Variants in ADAM11 observed in about 807,000 individuals in gnomAD.
ADAM11 encodes disintegrin and metalloproteinase domain-containing protein 11.
ADAM11 carries 49 observed loss-of-function variants against 119.1 expected under a neutral mutation model. That is an observed-to-expected ratio of 0.41 (90% confidence interval 0.33 to 0.52). ADAM11 has a LOEUF of 0.52. Ranked by LOEUF, ADAM11 falls within the 20% of genes least tolerant of loss-of-function variation. The pLI is 0.20. For synonymous variants in ADAM11, 364 were observed against 408.0 expected, an observed-to-expected ratio of 0.89 and a Z score of 1.30; for missense variants, 777 against 1,047.5, an observed-to-expected ratio of 0.74 and a Z score of 3.56.
At chr17:44,774,049 C>A (rs1254833187) in intron 11 of ADAM11, among the ~76,000 whole-genome samples, 1 of 152,028 alleles carries the variant, frequency 6.6e-6, no homozygotes, top group African/African-American at 2.4e-5. Flanking sequence ...TGAGATGGTG[C>A]CACTGCACTC....
rs1388020198 is a variant in ADAM11, at chr17:44,759,143, C to T, written c.-57C>T. The T allele has an allele frequency of 1.1e-5, 14 of 1,222,374 alleles. No homozygotes were observed. The highest frequency in any genetic ancestry group is 1.6e-5 in the African/African-American group (1 of 62,080). The allele number at this position is 1,222,374 out of a possible 1,614,324, so 75.7% of individuals were successfully genotyped here. Reference sequence around the variant, plus strand: ...GCCTCCCCACCCCCGTCCCTGCTCCCGCCCTCCCCGCGCCGCTGGCAGCCG... The same window carrying T: ...GCCTCCCCACCCCCGTCCCTGCTCCTGCCCTCCCCGCGCCGCTGGCAGCCG... On this transcript the variant is annotated 5_prime_UTR_variant, in exon 1 of 27. Transcript: ENST00000200557.
rs775944071 is a variant in ADAM11 at position 44,777,739 on chromosome 17, T to C, written c.1946T>C (p.Val649Ala). The C allele has an allele frequency of 2.5e-6, 4 of 1,613,992 alleles. No individual in the cohort carries two copies. The South Asian group carries it at 3.3e-5, about 13-fold the overall frequency. ...QLADGSDLSY[V>A]EDGTACGPNM... Reference sequence around the variant, plus strand: ...GCGGACGGCTCTGACCTGAGCTATGTGGAGGATGGCACAGCCTGCGGGCCT... The same window carrying C: ...GCGGACGGCTCTGACCTGAGCTATGCGGAGGATGGCACAGCCTGCGGGCCT... The change falls in exon 23 of 27, where the codon GTG (valine) becomes GCG (alanine). Residue 649 changes from valine to alanine, a missense_variant. Transcript: ENST00000200557. This position sits in a 1 kb window ranked among gnomAD's most constrained non-coding sequence, Gnocchi z 5.1.
chr17:44,759,798 G>A lies in ADAM11; in HGVS notation c.138G>A (p.Glu46=), dbSNP rs2049367006. ...AGCTGGGAGGCCCAGGAGCCCCTGA[G>A]GTCACGGAACCCAGCCGTCTGGTTA... is the stretch of plus-strand genomic sequence containing the variant. ...LPQLGGPGAP[E]VTEPSRLVRE... The change falls in exon 2 of 27, where the codon GAG becomes GAA. Residue 46 remains glutamate, a synonymous_variant. Coordinates refer to ENST00000200557, the MANE Select transcript of ADAM11 (RefSeq NM_002390.6). The A allele has an allele frequency of 1.5e-6, 2 of 1,321,182 alleles. No individual in the cohort carries two copies. The highest frequency in any genetic ancestry group is 3.0e-5 in the South Asian group (1 of 33,804). 81.8% of individuals were successfully genotyped at this position (1,321,182 alleles called of 1,614,324 possible).
chr17:44,779,754 A>G lies in ADAM11; in HGVS notation c.2310A>G (p.Ter770=). The change falls in exon 27 of 27, where the codon TAA becomes TAG. Residue 770 remains the stop codon, a stop_retained_variant. Coordinates refer to ENST00000200557, the MANE Select transcript of ADAM11 (RefSeq NM_002390.6). ...TCCGTTCCAGGTCCGGAGGGGCCTA[A>G]GTGCCACCCTCCTCCCTCCAAGCCT... ...NIRRGRSGGA[*] 1 of 1,607,206 alleles carries G rather than the reference A, an allele frequency of 6.2e-7. No individual in the cohort carries two copies. The highest frequency in any genetic ancestry group is 8.5e-7 in the Non-Finnish European group (1 of 1,178,172).
rs1300508085 is a variant in ADAM11 at position 44,773,962 on chromosome 17, G to A, written c.993-333G>A. Among the ~76,000 whole-genome samples, 1 of 152,158 alleles carries A rather than the reference G, an allele frequency of 6.6e-6. No homozygotes were observed. Among genetic ancestry groups the A allele is most frequent in the Non-Finnish European group, 1.5e-5 (1 of 68,020 alleles). On this transcript the variant is annotated intron_variant, in intron 11 of 26. Transcript: ENST00000200557. This position sits in a 1 kb window ranked among gnomAD's most constrained non-coding sequence, Gnocchi z 4.6. ...AAAAATTAGCCAGGCGTGGTGGTGT[G>A]CACCTGTAGTCCCAGCTACTCGGGA...
Position 44,773,562 on chromosome 17 carries a change from C to A in ADAM11, c.992+135C>A. On this transcript the variant is annotated intron_variant, in intron 11 of 26. Transcript: ENST00000200557. This position sits in a 1 kb window ranked among gnomAD's most constrained non-coding sequence, Gnocchi z 4.6. The stretch of plus-strand genomic sequence containing the variant: ...GGCTCACCTTGCACCTGCCACCTAC[C>A]CCCAGCCACATGCAACAGCTGGGCA... 1.8e-6 allele frequency: 2 copies of A among 1,087,134 alleles called. No individual in the cohort carries two copies. The highest frequency in any genetic ancestry group is 2.6e-6 in the Non-Finnish European group (2 of 776,458). 67.3% of individuals were successfully genotyped at this position (1,087,134 alleles called of 1,614,324 possible).
In ADAM11 at chr17:44,771,593, G is replaced by C. The variant is rs142131788; in HGVS notation, c.391G>C (p.Asp131His). Reference protein sequence around the residue: ...GTTQHSTGAGDHCYYQGKLRG... With the variant: ...GTTQHSTGAGHHCYYQGKLRG... ...TGTTCTGCTCCTTCAGGGGGCTGGA[G>C]ACCACTGCTACTACCAGGGGAAGCT... The change falls in exon 5 of 27, where the codon GAC becomes CAC. Residue 131 changes from aspartate (D) to histidine (H), a missense_variant. Physicochemically the swap from Asp to His is moderately conservative, Grantham distance 81. Coordinates refer to ENST00000200557, the MANE Select transcript of ADAM11 (RefSeq NM_002390.6). 6.2e-7 allele frequency: 1 copy of C among 1,611,432 alleles called. No homozygotes were observed. Among genetic ancestry groups the C allele is most frequent in the Non-Finnish European group, 8.5e-7 (1 of 1,179,526 alleles).
Position 44,776,596 on chromosome 17 carries a change from A to G in ADAM11, c.1567-149A>G. 9.6e-7 allele frequency: 1 copy of G among 1,036,302 alleles called. No individual in the cohort carries two copies. The highest frequency in any genetic ancestry group is 1.6e-5 in the South Asian group (1 of 62,446). 64.2% of individuals were successfully genotyped at this position (1,036,302 alleles called of 1,614,324 possible). ...CAAATCCGTGTGGTCTGGGTCCAGA[A>G]CCAGACAGATCGCTTGTCCTAGGCG... On this transcript the variant is annotated intron_variant, in intron 18 of 26. Coordinates refer to ENST00000200557, the MANE Select transcript of ADAM11 (RefSeq NM_002390.6). The surrounding 1 kb of genome is among the most constrained non-coding windows in gnomAD (Gnocchi z 5.2).
chr17:44,779,677 C>A, intron 26 of ADAM11, 62 bp from the exon 27 acceptor site: 1 of 1,557,678 alleles, frequency 6.4e-7, no homozygotes. Flanking sequence ...CGGGGCCCTG[C>A]TGGGGGGCTC....
chr17:44,779,350 G>A, intron 26 of ADAM11, 111 bp downstream of exon 26: 10 of 1,472,808 alleles, frequency 6.8e-6, no homozygotes, highest in Non-Finnish European at 8.1e-6. Context: ...TGGGGAGCGG[G>A]GGCTGATTCC....
Position 44,776,014 on chromosome 17 carries a change from C to A in ADAM11, c.1486-113C>A, listed in dbSNP as rs1027651409. Reference sequence around the variant, plus strand: ...AAATAAGAACAGGCCTGAAACGGGGCCCTGGGGAGCTGGAGGGCCCGGGGA... The same window carrying A: ...AAATAAGAACAGGCCTGAAACGGGGACCTGGGGAGCTGGAGGGCCCGGGGA... On this transcript the variant is annotated intron_variant, in intron 17 of 26. Coordinates refer to ENST00000200557, the MANE Select transcript of ADAM11 (RefSeq NM_002390.6). This position sits in a 1 kb window ranked among gnomAD's most constrained non-coding sequence, Gnocchi z 5.2. The A allele has an allele frequency of 2.4e-6, 3 of 1,233,540 alleles. No homozygotes were observed. The highest frequency in any genetic ancestry group is 1.5e-5 in the African/African-American group (1 of 66,994). The allele number at this position is 1,233,540 out of a possible 1,614,324, so 76.4% of individuals were successfully genotyped here. A position where few individuals can be genotyped will look rare whatever the true frequency, so the allele number is the denominator to read the frequency against.
rs768989642 is a variant in ADAM11, at chr17:44,778,060, T to C, written c.2179T>C (p.Tyr727His). The C allele has an allele frequency of 1.9e-6, 3 of 1,612,708 alleles. No individual in the cohort carries two copies. The highest frequency in any genetic ancestry group is 1.7e-5 in the Admixed American group (1 of 59,906). The change falls in exon 24 of 27, where the codon TAT (tyrosine) becomes CAT (histidine). Residue 727 changes from tyrosine to histidine, a missense_variant. By Grantham distance (83) the Tyr-to-His change is moderately conservative (BLOSUM62 2). Around this residue, in one of 4 missense-constraint regions of ADAM11, gnomAD observed 348 missense variants for 486.7 expected, o/e 0.72. Coordinates refer to ENST00000200557, the MANE Select transcript of ADAM11 (RefSeq NM_002390.6). Reference sequence around the variant, plus strand: ...CCCACCCACGGGGGAGACGGAGAGATATAAAGGTGAGGCTGGAGCTGGCCG... The same window carrying C: ...CCCACCCACGGGGGAGACGGAGAGACATAAAGGTGAGGCTGGAGCTGGCCG... ...TSPPTGETER[Y>H]KGPSGTNIII...
intron 2 of ADAM11, among the ~76,000 whole-genome samples, chr17:44,766,980 G>C (rs1331253489): frequency 1.3e-5 from 2 of 151,460 alleles, no homozygotes; most frequent in African/African-American, 4.9e-5. Context: ...TGAGGCGGGA[G>C]GATGGTCTGA....
intron 4 of ADAM11, among the ~76,000 whole-genome samples, chr17:44,770,888 G>A (rs974703050): frequency 6.6e-6 from 1 of 152,110 alleles, no homozygotes; most frequent in Non-Finnish European, 1.5e-5. Flanking sequence ...GCTGAGGTGG[G>A]CGGATCACGT....
In ADAM11 at chr17:44,775,706, A is replaced by G. The variant is rs2049591829; in HGVS notation, c.1485+30A>G. On this transcript the variant is annotated intron_variant, in intron 17 of 26. Coordinates refer to ENST00000200557, the MANE Select transcript of ADAM11 (RefSeq NM_002390.6). The surrounding 1 kb of genome is among the most constrained non-coding windows in gnomAD (Gnocchi z 7.5). Reference sequence around the variant, plus strand: ...GCAGGACCGGCCGGGAGGCGGGGCCAGGACGCAGGAGGAGCGATTGGAGGC... The same window carrying G: ...GCAGGACCGGCCGGGAGGCGGGGCCGGGACGCAGGAGGAGCGATTGGAGGC... The G allele has an allele frequency of 2.6e-6, 4 of 1,547,088 alleles. No homozygotes were observed. The highest frequency in any genetic ancestry group is 2.4e-5 in the East Asian group (1 of 42,032).
rs533091244 is a variant in ADAM11 at position 44,764,168 on chromosome 17, G to A, written c.237+4271G>A. Among the ~76,000 whole-genome samples, 5 of 152,302 alleles carry A rather than the reference G, an allele frequency of 3.3e-5. No individual in the cohort carries two copies. The East Asian group carries it at 9.7e-4, about 30-fold the overall frequency. ...GAGGTCGCAGACCTGGTACATAGAA[G>A]CTCATCTGAGCCAGCTAGGGGAGGG... On this transcript the variant is annotated intron_variant, in intron 2 of 26. Transcript: ENST00000200557.
In ADAM11 at chr17:44,760,004, G is replaced by T. The variant is rs553840546; in HGVS notation, c.237+107G>T. The T allele has an allele frequency of 8.0e-6, 9 of 1,131,222 alleles. No individual in the cohort carries two copies. In the South Asian group the frequency reaches 3.7e-4, roughly 46 times the overall value. 70.1% of individuals were successfully genotyped at this position (1,131,222 alleles called of 1,614,324 possible). ...GTCCCCCTCAGCAGCTGCCCCGCAG[G>T]GTCCCCTTCTGTACAGTGGGCTATC... On this transcript the variant is annotated intron_variant, in intron 2 of 26. Transcript: ENST00000200557.
intron 2 of ADAM11, among the ~76,000 whole-genome samples, chr17:44,763,774 C>T (rs1303014936): frequency 6.6e-6 from 1 of 151,680 alleles, no homozygotes; most frequent in East Asian, 1.9e-4. Context: ...TGGAGTGCAG[C>T]AGCATGATCT....
At position 44,773,244 on chromosome 17, in the gene ADAM11, C is replaced by T. The variant is rs1355658951; in HGVS notation, c.826-17C>T. On this transcript the variant is annotated splice_polypyrimidine_tract_variant and intron_variant, in intron 10 of 26. Transcript: ENST00000200557. The surrounding 1 kb of genome is among the most constrained non-coding windows in gnomAD (Gnocchi z 4.6). The stretch of plus-strand genomic sequence containing the variant: ...AACACCCACTCCCACCCTCCAGCCC[C>T]CTCATCTTCTCCCCAGATATACAAG... 6 of 1,612,488 alleles carry T rather than the reference C, an allele frequency of 3.7e-6. No homozygotes were observed. The highest frequency in any genetic ancestry group is 1.3e-5 in the African/African-American group (1 of 74,994).
Sources: gnomAD v4.1 joint callset for allele counts (sites outside exome capture counted in the v4.1 genomes callset) on GRCh38, gnomAD v4.1.1 for gene constraint, gnomAD v4.1.1 regional missense constraint, Gnocchi (gnomAD v3.1) non-coding constraint, MANE v1.5 for transcripts, NCBI Gene and HGNC (gene_info 2026-07-23, HGNC 2026-07-21) for gene names.